RBFOX1: variants seen among roughly 807,000 people sequenced by gnomAD.
RBFOX1 encodes the protein RNA binding protein fox-1 homolog 1.
Under a neutral mutation model 57.7 loss-of-function variants are expected in RBFOX1, and 8 were observed. The ratio of observed to expected loss-of-function variants is 0.14; its 90% CI spans 0.08 to 0.25. The LOEUF (loss-of-function observed/expected upper bound fraction) is 0.25. RBFOX1 is among the 10% of genes least tolerant of loss of function. RBFOX1 has a pLI of 1.00. For synonymous variants in RBFOX1, 326 were observed against 222.4 expected, an observed-to-expected ratio of 1.47 and a Z score of -4.15; for missense variants, 611 against 548.5, an observed-to-expected ratio of 1.11 and a Z score of -1.14.
chr16:7,424,827 C>T (rs1039521827), intron 4 of RBFOX1, among the ~76,000 whole-genome samples: 6 of 152,078 alleles, frequency 3.9e-5, no homozygotes, highest in Non-Finnish European at 7.4e-5. Flanking sequence ...ATTTTTTCTT[C>T]AGGTTCTGGG....
At chr16:6,561,872 A>G (rs1039835558) in intron 2 of RBFOX1, among the ~76,000 whole-genome samples, 1 of 152,152 alleles carries the variant, frequency 6.6e-6, no homozygotes, top group Non-Finnish European at 1.5e-5. Flanking sequence ...CTGGTGAATG[A>G]TTTAATGACG....
chr16:6,179,341 A>C (rs567008105), intron 1 of RBFOX1, among the ~76,000 whole-genome samples: 1 of 152,274 alleles, frequency 6.6e-6, no homozygotes, highest in Non-Finnish European at 1.5e-5. Flanking sequence ...TCTCTCTCCC[A>C]TATCACCTGT....
chr16:6,833,310 C>T (rs1017105115), intron 3 of RBFOX1, among the ~76,000 whole-genome samples: 8 of 151,960 alleles, frequency 5.3e-5, no homozygotes, highest in Non-Finnish European at 1.2e-4. Flanking sequence ...CGACTATAGG[C>T]TCCCAACACC....
chr16:7,023,603 C>T (rs1257636091), intron 3 of RBFOX1, among the ~76,000 whole-genome samples: 1 of 118,116 alleles, frequency 8.5e-6, no homozygotes, highest in African/African-American at 3.2e-5. Context: ...AATTAGCTTG[C>T]CATAGTGGTA....
intron 4 of RBFOX1, among the ~76,000 whole-genome samples, chr16:5,998,406 A>C (rs1327011994): frequency 6.6e-6 from 1 of 152,272 alleles, no homozygotes; most frequent in Non-Finnish European, 1.5e-5. Context: ...AAAAATAATC[A>C]GTAGTTTAAA....
intron 1 of RBFOX1, among the ~76,000 whole-genome samples, chr16:6,196,866 A>G (rs897231876): frequency 1.3e-5 from 2 of 149,486 alleles, no homozygotes; most frequent in African/African-American, 4.9e-5. Context: ...CTTTTATTAC[A>G]TTTTCTGCAT....
chr16:5,554,465 A>G (rs2045593463), intron 2 of RBFOX1, among the ~76,000 whole-genome samples: 1 of 152,222 alleles, frequency 6.6e-6, no homozygotes, highest in African/African-American at 2.4e-5. Flanking sequence ...TCTAAGAGTA[A>G]ATGGAAAAAT....
intron 11 of RBFOX1, among the ~76,000 whole-genome samples, chr16:7,646,449 C>T (rs1337341365): frequency 6.6e-6 from 1 of 152,204 alleles, no homozygotes; most frequent in Non-Finnish European, 1.5e-5. Context: ...ACCCACAGAA[C>T]AATTTCACCC....
chr16:7,140,987 C>A (rs1422075636), intron 4 of RBFOX1, among the ~76,000 whole-genome samples: 1 of 152,150 alleles, frequency 6.6e-6, no homozygotes, highest in African/African-American at 2.4e-5. Context: ...TGAAGAGGAA[C>A]CCTCGTTGGA....
At chr16:5,563,945 A>C (rs1441716356) in intron 2 of RBFOX1, among the ~76,000 whole-genome samples, 1 of 152,142 alleles carries the variant, frequency 6.6e-6, no homozygotes, top group Admixed American at 6.5e-5. Flanking sequence ...TATGACCTAG[A>C]TGTGGTTAGG....
chr16:6,995,290 T>TTGTGTGTGTG (rs57039390), intron 3 of RBFOX1, among the ~76,000 whole-genome samples: 4,710 of 138,298 alleles, frequency 0.034, 166 homozygotes, highest in East Asian at 0.18. Context: ...GAAAGTAGCC[T>TTGTGTGTGTG]TGTGTGTGTG....
chr16:6,664,588 G>T (rs551573841), intron 3 of RBFOX1, among the ~76,000 whole-genome samples: 1 of 152,156 alleles, frequency 6.6e-6, no homozygotes, highest in African/African-American at 2.4e-5. Context: ...AGACAGCTGC[G>T]CATGTAGCCC....
intron 1 of RBFOX1, among the ~76,000 whole-genome samples, chr16:5,424,588 T>A (rs1567488730): frequency 6.6e-6 from 1 of 151,454 alleles, no homozygotes; most frequent in Non-Finnish European, 1.5e-5. Flanking sequence ...AATACCTAGG[T>A]GATGGGTTGA....
intron 2 of RBFOX1, among the ~76,000 whole-genome samples, chr16:6,526,681 T>A (rs567745418): frequency 6.6e-6 from 1 of 151,044 alleles, no homozygotes; most frequent in South Asian, 2.1e-4. Flanking sequence ...ATACAAAAAA[T>A]TAGCCGGGCG....
chr16:6,535,908 A>G (rs1170711144), intron 2 of RBFOX1, among the ~76,000 whole-genome samples: 2 of 152,278 alleles, frequency 1.3e-5, no homozygotes, highest in East Asian at 1.9e-4. Flanking sequence ...CTTTTCCTGC[A>G]GTCTCCCTCT....
chr16:6,769,416 T>A (rs553756011), intron 3 of RBFOX1, among the ~76,000 whole-genome samples: 1 of 152,332 alleles, frequency 6.6e-6, no homozygotes, highest in African/African-American at 2.4e-5. Flanking sequence ...AATACAGCAG[T>A]ACATCAGGAA....
At chr16:7,272,890 T>A (rs2095354183) in intron 4 of RBFOX1, among the ~76,000 whole-genome samples, 1 of 138,408 alleles carries the variant, frequency 7.2e-6, no homozygotes, top group Non-Finnish European at 1.6e-5. Flanking sequence ...CCTCCTTTCT[T>A]CCTTCCCTCC....
intron 2 of RBFOX1, among the ~76,000 whole-genome samples, chr16:5,502,430 G>C (rs1214627514): frequency 6.6e-6 from 1 of 152,132 alleles, no homozygotes. Context: ...TGAGGGTCAG[G>C]GGGTGGACAT....
chr16:6,746,086 C>A (rs987566056), intron 3 of RBFOX1, among the ~76,000 whole-genome samples: 1 of 151,910 alleles, frequency 6.6e-6, no homozygotes, highest in African/African-American at 2.4e-5. Flanking sequence ...AGTCCTATAC[C>A]CTTAAAACTA....
Sources: gnomAD v4.1 joint callset for allele counts (sites outside exome capture counted in the v4.1 genomes callset) on GRCh38, gnomAD v4.1.1 for gene constraint, MANE v1.5 for transcripts, NCBI Gene and HGNC (gene_info 2026-07-23, HGNC 2026-07-21) for gene names.